Variants in MARCHF1 observed in about 807,000 individuals in gnomAD.
MARCHF1 encodes the protein membrane associated ring-CH-type finger 1, also known as E3 ubiquitin-protein ligase MARCHF1.
A neutral mutation model predicts 54.2 loss-of-function variants in MARCHF1; 40 were observed. That is an observed-to-expected ratio of 0.74 (90% confidence interval 0.57 to 0.96). The LOEUF is 0.96. Among genes scored for constraint, MARCHF1 ranks in the 40% least tolerant of loss-of-function variants. MARCHF1 has a pLI of 0.00. For missense variants in MARCHF1, 586 were observed against 656.5 expected, an observed-to-expected ratio of 0.89 and a Z score of 1.17; for synonymous variants, 236 against 236.3, an observed-to-expected ratio of 1.00 and a Z score of 0.01.
chr4:163,886,354 G>T (rs1302875149), intron 3 of MARCHF1, among the ~76,000 whole-genome samples: 1 of 151,418 alleles, frequency 6.6e-6, no homozygotes, highest in East Asian at 1.9e-4. Flanking sequence ...GATAGATATA[G>T]ATAGATAGAT....
At chr4:164,208,081 G>A (rs924121516) in intron 1 of MARCHF1, among the ~76,000 whole-genome samples, 2 of 152,160 alleles carry the variant, frequency 1.3e-5, no homozygotes, top group African/African-American at 4.8e-5. Context: ...TCTAGGCAAG[G>A]GGGATTGTGT....
chr4:163,752,323 A>G (rs1746547024), intron 4 of MARCHF1, among the ~76,000 whole-genome samples: 1 of 152,232 alleles, frequency 6.6e-6, no homozygotes, highest in African/African-American at 2.4e-5. Flanking sequence ...TGTGGAGAAA[A>G]GAGTTCAACT....
chr4:164,095,468 C>T lies in MARCHF1; in HGVS notation c.-248+16120G>A, dbSNP rs184237488. On this transcript the variant is annotated intron_variant, in intron 2 of 9. Coordinates refer to ENST00000514618, the MANE Select transcript of MARCHF1 (RefSeq NM_001394959.1). ...TTAGTCAAGTCATTTTCACTCATTT[C>T]TATTGATGATTTTTGTCCATAAAAT... Among the ~76,000 whole-genome samples, 938 of 151,894 alleles carry T rather than the reference C, an allele frequency of 6.2e-3. 7 individuals carry two copies. The highest frequency in any genetic ancestry group is 0.014 in the Middle Eastern group (4 of 294).
chr4:164,016,276 G>C (rs919763475), intron 2 of MARCHF1, among the ~76,000 whole-genome samples: 1 of 152,084 alleles, frequency 6.6e-6, no homozygotes, highest in Non-Finnish European at 1.5e-5. Context: ...AGGAGTGTGT[G>C]AAGGAAGCGA....
At chr4:164,140,401 C>A (rs1756503444) in intron 1 of MARCHF1, among the ~76,000 whole-genome samples, 2 of 151,938 alleles carry the variant, frequency 1.3e-5, no homozygotes, top group Non-Finnish European at 2.9e-5. Context: ...AACCAATAGG[C>A]CTCCCAGATA....
intron 2 of MARCHF1, among the ~76,000 whole-genome samples, chr4:164,022,975 T>C (rs1753695696): frequency 6.6e-6 from 1 of 152,168 alleles, no homozygotes; most frequent in Non-Finnish European, 1.5e-5. Context: ...AGAGCATCAT[T>C]CACAGGGTCC....
intron 3 of MARCHF1, among the ~76,000 whole-genome samples, chr4:163,929,150 T>C (rs549559798): frequency 6.6e-6 from 1 of 152,074 alleles, no homozygotes; most frequent in African/African-American, 2.4e-5. Flanking sequence ...ATTTCTTCTA[T>C]ATCCAGCTAC....
intron 7 of MARCHF1, among the ~76,000 whole-genome samples, chr4:163,592,085 C>T (rs1354709830): frequency 6.6e-6 from 1 of 152,074 alleles, no homozygotes; most frequent in African/African-American, 2.4e-5. Context: ...AGATAAATAT[C>T]CTAAGCCATC....
intron 2 of MARCHF1, among the ~76,000 whole-genome samples, chr4:164,024,945 C>T (rs886769695): frequency 2.0e-5 from 3 of 151,126 alleles, no homozygotes; most frequent in South Asian, 4.2e-4. Context: ...ATTCTTATAT[C>T]GGATAGAATA....
intron 7 of MARCHF1, among the ~76,000 whole-genome samples, chr4:163,589,649 A>G (rs1740520796): frequency 6.6e-6 from 1 of 152,172 alleles, no homozygotes; most frequent in Non-Finnish European, 1.5e-5. Context: ...ACAAATCACA[A>G]TCGCTGAATT....
rs915343032 is a variant in MARCHF1 at position 163,727,779 on chromosome 4, C to A, written c.112-26916G>T. Reference sequence around the variant, plus strand: ...CCTCAACCTCCTGGGCTCAAATGATCCTCCCACTTCAGCTTCCCAAGTATC... The same window carrying A: ...CCTCAACCTCCTGGGCTCAAATGATACTCCCACTTCAGCTTCCCAAGTATC... On this transcript the variant is annotated intron_variant, in intron 4 of 9. Transcript: ENST00000514618. Among the ~76,000 whole-genome samples the A allele has an allele frequency of 2.6e-5, 4 of 151,872 alleles. No homozygotes were observed. The East Asian group carries it at 7.7e-4, about 29-fold the overall frequency.
chr4:164,003,391 T>C (rs1341032637), intron 2 of MARCHF1, among the ~76,000 whole-genome samples: 1 of 151,998 alleles, frequency 6.6e-6, no homozygotes. Flanking sequence ...AAGGCAGAAA[T>C]TGTCAGACTG....
chr4:163,652,382 G>A (rs1025239723), intron 5 of MARCHF1, among the ~76,000 whole-genome samples: 11 of 151,756 alleles, frequency 7.2e-5, no homozygotes, highest in African/African-American at 2.7e-4. Context: ...GATTCTCCCT[G>A]TATTCACCAT....
chr4:164,107,645 G>T (rs1323065811), intron 2 of MARCHF1, among the ~76,000 whole-genome samples: 3 of 152,078 alleles, frequency 2.0e-5, no homozygotes, highest in East Asian at 1.9e-4. Flanking sequence ...TTATAGGCAT[G>T]AGCCACCATG....
At chr4:164,233,184 T>C (rs1732461053) in intron 1 of MARCHF1, among the ~76,000 whole-genome samples, 1 of 152,152 alleles carries the variant, frequency 6.6e-6, no homozygotes, top group Admixed American at 6.6e-5. Flanking sequence ...TCAGCAGGTT[T>C]ACTCTCTTAA....
rs1731053326 is a variant in MARCHF1 at position 164,189,031 on chromosome 4, G to C, written c.-322-77369C>G. 5.8e-6 allele frequency: 4 copies of C among 691,956 alleles called. No individual in the cohort carries two copies. The Admixed American group carries it at 8.5e-5, about 15-fold the overall frequency. 42.9% of individuals were successfully genotyped at this position (691,956 alleles called of 1,614,324 possible). The stretch of plus-strand genomic sequence containing the variant: ...GCCTGGATAAGAGGGAGGGGGAGAA[G>C]ACATCCTGTTGTTCCACCTGGGTGG... On this transcript the variant is annotated intron_variant, in intron 1 of 9. Transcript: ENST00000514618.
intron 2 of MARCHF1, among the ~76,000 whole-genome samples, chr4:164,039,380 C>A (rs571009984): frequency 1.3e-5 from 2 of 152,264 alleles, no homozygotes; most frequent in African/African-American, 4.8e-5. Context: ...GTTGAAATTG[C>A]ATTTTTCATG....
intron 1 of MARCHF1, among the ~76,000 whole-genome samples, chr4:164,365,081 A>T (rs1443786541): frequency 6.6e-6 from 1 of 152,036 alleles, no homozygotes; most frequent in Middle Eastern, 3.2e-3. Context: ...CAGGCTGATT[A>T]CTATGTCTTC....
chr4:164,240,112 G>T (rs1732694304), intron 1 of MARCHF1, among the ~76,000 whole-genome samples: 1 of 152,064 alleles, frequency 6.6e-6, no homozygotes, highest in African/African-American at 2.4e-5. Flanking sequence ...TGACTTCAAG[G>T]GACATGTAAA....
Sources: gnomAD v4.1 joint callset for allele counts (sites outside exome capture counted in the v4.1 genomes callset) on GRCh38, gnomAD v4.1.1 for gene constraint, MANE v1.5 for transcripts, NCBI Gene and HGNC (gene_info 2026-07-23, HGNC 2026-07-21) for gene names.